Variants in RANBP2 observed in about 807,000 individuals in gnomAD.
RANBP2 encodes the protein E3 SUMO-protein ligase RanBP2.
A neutral mutation model predicts 303.6 loss-of-function variants in RANBP2; 57 were observed. The observed-to-expected ratio is 0.19, with a 90% confidence interval of 0.15 to 0.23. The LOEUF is 0.23. Ranked by LOEUF, RANBP2 falls within the 10% of genes least tolerant of loss-of-function variation. The probability of loss-of-function intolerance (pLI) is 1.00; values close to 1 mark genes in which losing one functional copy is unlikely to be tolerated. For missense variants in RANBP2, 3,138 were observed against 3,780.8 expected, an observed-to-expected ratio of 0.83 and a Z score of 4.46; for synonymous variants, 1,167 against 1,301.5, an observed-to-expected ratio of 0.90 and a Z score of 2.23.
intron 14 of RANBP2, 101 bp from the exon 15 acceptor site, chr2:108,753,724 C>T: frequency 6.3e-7 from 1 of 1,599,740 alleles, no homozygotes; most frequent in South Asian, 1.1e-5. Context: ...GCCTCAGCTC[C>T]CGAGTAGCTG....
At chr2:109,584,007 C>T in the RANBP2 span, among the ~76,000 whole-genome samples, 63 of 152,146 alleles carry the variant, frequency 4.1e-4, no homozygotes, top group Admixed American at 9.2e-4. Context: ...AGGAAGATAC[C>T]CGGTAAAGGC....
At chr2:108,956,071 T>C in the RANBP2 span, among the ~76,000 whole-genome samples, 1 of 152,158 alleles carries the variant, frequency 6.6e-6, no homozygotes, top group Non-Finnish European at 1.5e-5. Flanking sequence ...TAAAACACTG[T>C]TCGGGCTACT....
chr2:109,123,855 G>T, the RANBP2 span, among the ~76,000 whole-genome samples: 1 of 152,212 alleles, frequency 6.6e-6, no homozygotes, highest in South Asian at 2.1e-4. Context: ...CAAGGGAAGG[G>T]CTAGGACCTT....
chr2:108,862,817 A>C, the RANBP2 span, among the ~76,000 whole-genome samples: 2 of 152,034 alleles, frequency 1.3e-5, no homozygotes, highest in Admixed American at 1.3e-4. Flanking sequence ...ACGTGGTTAG[A>C]TACTAGTGCA....
At chr2:109,251,749 T>C in the RANBP2 span, 1 of 618,638 alleles carries the variant, frequency 1.6e-6, no homozygotes, top group Non-Finnish European at 2.9e-6. Context: ...ATTAGACTTT[T>C]TGTTAAATAA....
chr2:109,117,440 G>T, the RANBP2 span, among the ~76,000 whole-genome samples: 91 of 152,366 alleles, frequency 6.0e-4, no homozygotes, highest in Admixed American at 2.0e-3. Context: ...CTCCGAGCTA[G>T]GTGCAGGATA....
the RANBP2 span, among the ~76,000 whole-genome samples, chr2:109,630,818 C>T: frequency 6.6e-6 from 1 of 152,184 alleles, no homozygotes; most frequent in Non-Finnish European, 1.5e-5. Flanking sequence ...GTAATCCCAT[C>T]AGTTTGGTAG....
the RANBP2 span, among the ~76,000 whole-genome samples, chr2:109,167,676 A>AT: frequency 1.3e-5 from 2 of 152,136 alleles, no homozygotes; most frequent in Non-Finnish European, 2.9e-5. Context: ...GGTTCAAGCG[A>AT]TTCTCCTACT....
At chr2:108,991,239 T>C in the RANBP2 span, among the ~76,000 whole-genome samples, 1 of 152,152 alleles carries the variant, frequency 6.6e-6, no homozygotes. Flanking sequence ...AAAATGAGTA[T>C]ATAATTAATT....
At chr2:108,897,450 T>C in the RANBP2 span, among the ~76,000 whole-genome samples, 1 of 152,038 alleles carries the variant, frequency 6.6e-6, no homozygotes, top group African/African-American at 2.4e-5. Flanking sequence ...CTGACCCCGG[T>C]AATAGCCCCT....
At chr2:109,497,311 A>G in the RANBP2 span, among the ~76,000 whole-genome samples, 3 of 152,186 alleles carry the variant, frequency 2.0e-5, no homozygotes, top group Non-Finnish European at 4.4e-5. Context: ...GTGTTGGAGC[A>G]AGTGCTCTGA....
At chr2:109,114,299 A>T in the RANBP2 span, among the ~76,000 whole-genome samples, 2 of 152,164 alleles carry the variant, frequency 1.3e-5, no homozygotes, top group Admixed American at 6.5e-5. Context: ...GATTATTGCC[A>T]CAATTTCAGA....
the RANBP2 span, among the ~76,000 whole-genome samples, chr2:108,853,222 A>C: frequency 6.6e-6 from 1 of 152,120 alleles, no homozygotes; most frequent in Non-Finnish European, 1.5e-5. Context: ...ATTGTACTTG[A>C]TTGTTTCAGA....
chr2:109,181,842 C>CT, the RANBP2 span, among the ~76,000 whole-genome samples: 1 of 152,146 alleles, frequency 6.6e-6, no homozygotes, highest in Middle Eastern at 3.4e-3. Flanking sequence ...TGACCTACAC[C>CT]TTTTTTTTCC....
chr2:109,021,170 A>G, the RANBP2 span, among the ~76,000 whole-genome samples: 1 of 152,230 alleles, frequency 6.6e-6, no homozygotes, highest in African/African-American at 2.4e-5. Context: ...GCTGTGGCAC[A>G]TTGGTTAGTG....
chr2:109,043,249 G>C, the RANBP2 span, among the ~76,000 whole-genome samples: 3 of 152,122 alleles, frequency 2.0e-5, no homozygotes, highest in Non-Finnish European at 2.9e-5. Flanking sequence ...CGTAAATTTT[G>C]ATTTCTTCAT....
the RANBP2 span, among the ~76,000 whole-genome samples, chr2:109,540,686 G>T: frequency 6.6e-6 from 1 of 151,126 alleles, no homozygotes; most frequent in South Asian, 2.1e-4. Context: ...AATTAGTTGG[G>T]CATGGTGATG....
the RANBP2 span, among the ~76,000 whole-genome samples, chr2:108,854,359 T>C: frequency 4.0e-5 from 6 of 151,812 alleles, no homozygotes; most frequent in Admixed American, 1.3e-4. Flanking sequence ...AATCTTAGCT[T>C]CACTACTAGC....
At chr2:109,395,471 T>C in the RANBP2 span, among the ~76,000 whole-genome samples, 1 of 152,158 alleles carries the variant, frequency 6.6e-6, no homozygotes, top group Non-Finnish European at 1.5e-5. Flanking sequence ...GCTGAAGCTT[T>C]GGATGAGGCA....
Sources: allele counts gnomAD v4.1 joint callset (sites outside exome capture counted in the v4.1 genomes callset), GRCh38; gene constraint gnomAD v4.1.1; transcripts MANE v1.5; gene names NCBI Gene and HGNC (gene_info 2026-07-23, HGNC 2026-07-21).